LTK: variants seen among roughly 807,000 people sequenced by gnomAD.
The protein encoded by LTK is leukocyte tyrosine kinase receptor.
In LTK, 117 loss-of-function variants were observed where a neutral mutation model predicts 101.5. That is an observed-to-expected ratio of 1.15 (90% confidence interval 0.99 to 1.34). LTK has a LOEUF of 1.34. Among genes scored for constraint, LTK ranks in the 40% most tolerant of loss-of-function variants. LTK has a pLI of 0.00. For missense variants in LTK, 1,252 were observed against 1,164.7 expected (o/e 1.07, Z -1.09); for synonymous variants, 563 against 494.2 (o/e 1.14, Z -1.85).
At chr15:41,506,201 A>C (rs1035235978) in intron 11 of LTK, among the ~76,000 whole-genome samples, 196 bp from the exon 12 acceptor site, 3 of 152,250 alleles carry the variant, frequency 2.0e-5, no homozygotes, top group African/African-American at 7.2e-5. Flanking sequence ...AGGGCAAAAA[A>C]GAGGGCAGAT....
At position 41,511,839 on chromosome 15, in the gene LTK, C is replaced by G; in HGVS notation, c.635G>C (p.Gly212Ala). The G allele has an allele frequency of 6.8e-7, 1 of 1,477,512 alleles. No homozygotes were observed. The highest frequency in any genetic ancestry group is 8.9e-7 in the Non-Finnish European group (1 of 1,124,388). 91.5% of individuals were successfully genotyped at this position (1,477,512 alleles called of 1,614,324 possible). ...RRWAGGGGGG[G>A]GATYVFRVRA... ...TACCCGGAAAACGTAGGTGGCGCCC[C>G]CGCCACCCCCGCCACCTCCCGCCCA... Residue 212 changes from glycine to alanine, a missense_variant, in exon 5 of 20, where the codon GGG becomes GCG. Gly to Ala is a moderately conservative substitution (Grantham distance 60, BLOSUM62 0). Transcript: ENST00000263800. This position sits in a 1 kb window ranked among gnomAD's most constrained non-coding sequence, Gnocchi z 5.9.
At chr15:41,508,470 T>C (rs2051356189) in intron 8 of LTK, among the ~76,000 whole-genome samples, 1 of 151,788 alleles carries the variant, frequency 6.6e-6, no homozygotes, top group African/African-American at 2.4e-5. Context: ...GGCTGCAGAA[T>C]CACTTGAACC....
chr15:41,511,097 G>C lies in LTK; in HGVS notation c.997+67C>G. The C allele has an allele frequency of 7.6e-7, 1 of 1,320,670 alleles. No homozygotes were observed. Among genetic ancestry groups the C allele is most frequent in the Non-Finnish European group, 9.7e-7 (1 of 1,035,788 alleles). The allele number at this position is 1,320,670 out of a possible 1,614,324, so 81.8% of individuals were successfully genotyped here. A position where few individuals can be genotyped will look rare whatever the true frequency, so the allele number is the denominator to read the frequency against. On this transcript the variant is annotated intron_variant, in intron 7 of 19. Coordinates refer to ENST00000263800, the MANE Select transcript of LTK (RefSeq NM_002344.6). The surrounding 1 kb of genome is among the most constrained non-coding windows in gnomAD (Gnocchi z 5.9). Reference sequence around the variant, plus strand: ...CCTATCCTCCCGAGGGCTCCGGCCTGTACTTAGGTTCTAACATCACCTCAC... The same window carrying C: ...CCTATCCTCCCGAGGGCTCCGGCCTCTACTTAGGTTCTAACATCACCTCAC...
chr15:41,508,257 A>G, intron 8 of LTK, 36 bp from the exon 9 acceptor site: 4 of 1,584,686 alleles, frequency 2.5e-6, no homozygotes, highest in Middle Eastern at 1.7e-4. Context: ...ATGGTGTGGT[A>G]GGGCTGGGAT....
In LTK at chr15:41,513,776, T is replaced by C; in HGVS notation, c.-67A>G. On this transcript the variant is annotated 5_prime_UTR_variant, in exon 1 of 20. Transcript: ENST00000263800. ...GGCCACACCCCTGTCAACCTAAAGT[T>C]GACAGCTCATTTTGCCACGGCAGCC... 1 of 1,417,516 alleles carries C rather than the reference T, an allele frequency of 7.1e-7. No homozygotes were observed. The highest frequency in any genetic ancestry group is 1.7e-5 in the Admixed American group (1 of 59,742). The allele number at this position is 1,417,516 out of a possible 1,614,324, so 87.8% of individuals were successfully genotyped here.
rs1375358807 is a variant in LTK, at chr15:41,505,414, C to T, written c.1814G>A (p.Ser605Asn). ...CAAGGGTCTCACCAGGTGTGGCCGA[C>T]TGTGCCTCAGGAAACTCTTCATGTC... ...GGDMKSFLRH[S>N]RPHLGQPSPL... The change falls in exon 14 of 20, where the codon AGT (serine) becomes AAT (asparagine). Residue 605 changes from serine to asparagine, a missense_variant. Coordinates refer to ENST00000263800, the MANE Select transcript of LTK (RefSeq NM_002344.6). 5 of 1,613,958 alleles carry T rather than the reference C, an allele frequency of 3.1e-6. No individual in the cohort carries two copies. Among genetic ancestry groups the T allele is most frequent in the Non-Finnish European group, 4.2e-6 (5 of 1,179,926 alleles).
rs1277663967 is a variant in LTK at position 41,505,060 on chromosome 15, T to C, written c.1930A>G (p.Ile644Val). 6.2e-7 allele frequency: 1 copy of C among 1,612,600 alleles called. No homozygotes were observed. Among genetic ancestry groups the C allele is most frequent in the Non-Finnish European group, 8.5e-7 (1 of 1,179,278 alleles). ...LEENHFIHRD[I>V]AARNCLLSCA... is the part of the protein sequence containing the mutation. ...CTCAGCAGGCAGTTCCGGGCGGCAA[T>C]ATCCCTACAGAGTAGGCAAAAAAAA... Residue 644 changes from isoleucine (I) to valine (V), a missense_variant, in exon 16 of 20, where the codon ATT (isoleucine) becomes GTT (valine). Physicochemically the swap from Ile to Val is conservative, Grantham distance 29 (BLOSUM62 3). Coordinates refer to ENST00000263800, the MANE Select transcript of LTK (RefSeq NM_002344.6).
In LTK at chr15:41,505,295, G is replaced by A. The variant is rs1387934294; in HGVS notation, c.1838C>T (p.Ser613Leu). 3 of 1,613,910 alleles carry A rather than the reference G, an allele frequency of 1.9e-6. No individual in the cohort carries two copies. The Admixed American group carries it at 5.0e-5, about 27-fold the overall frequency. ...CAGCAGGTCCCGCATGACCAGAGGT[G>A]ATGGCTGGCCCTGGGTCAGGCAGAG... Reference protein sequence around the residue: ...RHSRPHLGQPSPLVMRDLLQL... With the variant: ...RHSRPHLGQPLPLVMRDLLQL... The change falls in exon 15 of 20, where the codon TCA (serine) becomes TTA (leucine). Residue 613 changes from serine to leucine, a missense_variant. Transcript: ENST00000263800.
chr15:41,512,015 G>A, intron 4 of LTK, 52 bp from the exon 5 acceptor site: 4 of 1,452,540 alleles, frequency 2.8e-6, no homozygotes, highest in South Asian at 2.9e-5. Flanking sequence ...TCCCCTCGCT[G>A]TGCTGGTGAC....
intron 3 of LTK, among the ~76,000 whole-genome samples, 195 bp downstream of exon 3, chr15:41,512,512 C>T (rs779520865): frequency 6.6e-6 from 1 of 152,180 alleles, no homozygotes; most frequent in Non-Finnish European, 1.5e-5. Context: ...GGTTGGGGGC[C>T]TTCCGCTCGG....
chr15:41,512,881 GA>G lies in LTK; in HGVS notation c.188-4del. 6.2e-7 allele frequency: 1 copy of G among 1,609,536 alleles called. No individual in the cohort carries two copies. The highest frequency in any genetic ancestry group is 1.3e-5 in the African/African-American group (1 of 74,972). On this transcript the variant is annotated splice_polypyrimidine_tract_variant and splice_region_variant and intron_variant, in intron 2 of 19. Transcript: ENST00000263800. ...AAACAGCCAAGACCCCTCGGTGCCT[GA>G]GAGCAAGGAGCGAGGCAAGGGTCGT...
In LTK at chr15:41,511,871, C is replaced by CGACCCCGG. The variant is rs750158298; in HGVS notation, c.595_602dup (p.Arg203GlyfsTer41). 60 of 1,467,410 alleles carry CGACCCCGG rather than the reference C, an allele frequency of 4.1e-5. No homozygotes were observed. The Admixed American group carries it at 1.7e-3, about 42-fold the overall frequency. 90.9% of individuals were successfully genotyped at this position (1,467,410 alleles called of 1,614,324 possible). ...CCCCGCCACCTCCCGCCCAGCGCCG[C>CGACCCCGG]GACCCCGGGACCCCTTCGCTCCCAT... On this transcript the variant is annotated frameshift_variant, in exon 5 of 20. Transcript: ENST00000263800. LOFTEE classifies it high-confidence loss of function. The surrounding 1 kb of genome is among the most constrained non-coding windows in gnomAD (Gnocchi z 5.9).
At position 41,507,725 on chromosome 15, in the gene LTK, A is replaced by T. The variant is rs886370426; in HGVS notation, c.1250-68T>A. 6 of 1,467,746 alleles carry T rather than the reference A, an allele frequency of 4.1e-6. No individual in the cohort carries two copies. In the African/African-American group the frequency reaches 5.7e-5, roughly 14 times the overall value. The allele number at this position is 1,467,746 out of a possible 1,614,324, so 90.9% of individuals were successfully genotyped here. On this transcript the variant is annotated intron_variant, in intron 9 of 19. Transcript: ENST00000263800. ...GTTCCTTTACCCTCAAGTTTTACCC[A>T]CGCTTCAAGACTCAGCTCAAGTGTT...
Position 41,503,909 on chromosome 15 carries a change from G to T in LTK, c.*87C>A. On this transcript the variant is annotated 3_prime_UTR_variant, in exon 20 of 20. Coordinates refer to ENST00000263800, the MANE Select transcript of LTK (RefSeq NM_002344.6). Reference sequence around the variant, plus strand: ...GCACAGACTGCAGGGAACAGAGGCCGCTGGCATAACAGGCCACCCAGGAGC... The same window carrying T: ...GCACAGACTGCAGGGAACAGAGGCCTCTGGCATAACAGGCCACCCAGGAGC... 2.8e-6 allele frequency: 4 copies of T among 1,432,010 alleles called. No homozygotes were observed. The Admixed American group carries it at 7.3e-5, about 26-fold the overall frequency. 88.7% of individuals were successfully genotyped at this position (1,432,010 alleles called of 1,614,324 possible).
intron 1 of LTK, 141 bp from the exon 2 acceptor site, chr15:41,513,261 C>T (rs775779576): frequency 1.6e-5 from 17 of 1,044,314 alleles, no homozygotes; most frequent in Non-Finnish European, 2.3e-5. Context: ...AGCCTGGAAG[C>T]CACTACCCGA....
Position 41,507,305 on chromosome 15 carries a change from A to C in LTK, c.1346-15T>G, listed in dbSNP as rs2051320423. 1 of 1,584,342 alleles carries C rather than the reference A, an allele frequency of 6.3e-7. No homozygotes were observed. ...CTTCTGCTTCACTGGGGGTGGGAAG[A>C]ATAACGGCACACCCTCCACCTGCCC... is the stretch of plus-strand genomic sequence containing the variant. On this transcript the variant is annotated splice_polypyrimidine_tract_variant and intron_variant, in intron 10 of 19. Transcript: ENST00000263800.
chr15:41,509,229 C>T (rs768511402), intron 7 of LTK, 100 bp from the exon 8 acceptor site: 75 of 765,538 alleles, frequency 9.8e-5, no homozygotes, highest in East Asian at 5.3e-4. Context: ...CTCTCTTCTC[C>T]AGCATCATGA....
rs367724896 is a variant in LTK, at chr15:41,505,435, A to G, written c.1793T>C (p.Met598Thr). The G allele has an allele frequency of 2.0e-5, 33 of 1,613,910 alleles. No homozygotes were observed. In the African/African-American group the frequency reaches 3.9e-4, roughly 19 times the overall value. Reference protein sequence around the residue: ...ILLELMSGGDMKSFLRHSRPH... With the variant: ...ILLELMSGGDTKSFLRHSRPH... Reference sequence around the variant, plus strand: ...CCGACTGTGCCTCAGGAAACTCTTCATGTCCCCTCCAGACATCAGTTCCAG... The same window carrying G: ...CCGACTGTGCCTCAGGAAACTCTTCGTGTCCCCTCCAGACATCAGTTCCAG... Residue 598 changes from methionine (M) to threonine (T), a missense_variant, in exon 14 of 20, where the codon ATG becomes ACG. Physicochemically the swap from Met to Thr is moderately conservative, Grantham distance 81 (BLOSUM62 -1). Coordinates refer to ENST00000263800, the MANE Select transcript of LTK (RefSeq NM_002344.6).
rs771096610 is a variant in LTK, at chr15:41,513,619, GA to G, written c.43+47del. On this transcript the variant is annotated intron_variant, in intron 1 of 19. Transcript: ENST00000263800. Reference sequence around the variant, plus strand: ...GTTGACCGGCCACCCCCAAGCCTAGGAAAGTGCCTCAGGCTGGACGGTCCCC... The same window carrying G: ...GTTGACCGGCCACCCCCAAGCCTAGGAAGTGCCTCAGGCTGGACGGTCCCC... 2.5e-6 allele frequency: 4 copies of G among 1,594,344 alleles called. No homozygotes were observed. The African/African-American group carries it at 5.4e-5, about 21-fold the overall frequency.
Sources: gnomAD v4.1 joint callset for allele counts (sites outside exome capture counted in the v4.1 genomes callset) on GRCh38, gnomAD v4.1.1 for gene constraint, Gnocchi (gnomAD v3.1) non-coding constraint, MANE v1.5 for transcripts, NCBI Gene and HGNC (gene_info 2026-07-23, HGNC 2026-07-21) for gene names.